Variants in TMEM259 observed in about 807,000 individuals in gnomAD.
TMEM259 encodes membralin.
In TMEM259, 26 loss-of-function variants were observed where a neutral mutation model predicts 46.7. The observed-to-expected ratio is 0.56, with a 90% confidence interval of 0.41 to 0.77. The LOEUF is 0.77. TMEM259 is among the 30% of genes least tolerant of loss of function. The pLI is 0.00. For missense variants in TMEM259, 930 were observed against 900.5 expected (o/e 1.03, Z -0.42); for synonymous variants, 494 against 395.1 (o/e 1.25, Z -2.97).
rs895821614 is a variant in TMEM259 at position 1,018,891 on chromosome 19, G to A, written c.225+1881C>T. 2.6e-5 allele frequency among the ~76,000 whole-genome samples: 4 copies of A among 151,908 alleles called. No individual in the cohort carries two copies. In the South Asian group the frequency reaches 8.3e-4, roughly 32 times the overall value. On this transcript the variant is annotated intron_variant, in intron 1 of 10. Transcript: ENST00000356663. ...TAATCCTAGCTACTCCGCAGGCTGA[G>A]GCAGAAGAATTGCTTGAACCCAGGA...
In TMEM259 at chr19:1,011,086, C is replaced by G; in HGVS notation, c.1317+10G>C. On this transcript the variant is annotated intron_variant, in intron 10 of 10. Coordinates refer to ENST00000356663, the MANE Select transcript of TMEM259 (RefSeq NM_001033026.2). ...GCTGGCCTGCCCCCTGCTTGCCGCC[C>G]AGGCCTCACCTGGATGAAGAGCCAG... is the stretch of plus-strand genomic sequence containing the variant. 1.3e-6 allele frequency: 2 copies of G among 1,578,070 alleles called. No individual in the cohort carries two copies. The highest frequency in any genetic ancestry group is 1.7e-6 in the Non-Finnish European group (2 of 1,162,626).
At chr19:1,016,851 G>C (rs886552835) in intron 1 of TMEM259, among the ~76,000 whole-genome samples, 7 of 152,124 alleles carry the variant, frequency 4.6e-5, no homozygotes, top group Admixed American at 4.6e-4. Context: ...TGAGTGACCC[G>C]TCCCATGAAG....
intron 1 of TMEM259, among the ~76,000 whole-genome samples, chr19:1,017,741 C>T (rs1227286444): frequency 2.0e-5 from 3 of 152,180 alleles, no homozygotes; most frequent in Admixed American, 6.5e-5. Context: ...GCAGCCTGCC[C>T]GCTCTCTGGG....
rs750149386 is a variant in TMEM259 at position 1,014,239 on chromosome 19, C to T, written c.460G>A (p.Glu154Lys). ...PGSNLDMEDE[E>K]EEELTMEMFG... Reference sequence around the variant, plus strand: ...ATCTCCATGGTCAGCTCTTCCTCCTCCTCATCTTCCATGTCCAGGTTGCTG... The same window carrying T: ...ATCTCCATGGTCAGCTCTTCCTCCTTCTCATCTTCCATGTCCAGGTTGCTG... Residue 154 changes from glutamate to lysine, a missense_variant, in exon 2 of 11, where the codon GAG becomes AAG. By Grantham distance (56) the Glu-to-Lys change is moderately conservative. Coordinates refer to ENST00000356663, the MANE Select transcript of TMEM259 (RefSeq NM_001033026.2). 2.5e-6 allele frequency: 4 copies of T among 1,612,608 alleles called. No individual in the cohort carries two copies. The East Asian group carries it at 6.7e-5, about 27-fold the overall frequency.
At chr19:1,013,435 A>G (rs746921227) in intron 2 of TMEM259, 95 bp from the exon 3 acceptor site, 209 of 1,303,368 alleles carry the variant, frequency 1.6e-4, no homozygotes, top group Non-Finnish European at 2.2e-4. Context: ...AAGGGACTGG[A>G]AGCCTCAGCC....
chr19:1,017,170 C>G (rs907877723), intron 1 of TMEM259: 49 of 399,068 alleles, frequency 1.2e-4, no homozygotes, highest in Non-Finnish European at 1.3e-5. Flanking sequence ...TCCCCAAGAC[C>G]TGTCTGTCAT....
In TMEM259 at chr19:1,020,463, G is replaced by A. The variant is rs531855516; in HGVS notation, c.225+309C>T. On this transcript the variant is annotated intron_variant, in intron 1 of 10. Transcript: ENST00000356663. This position sits in a 1 kb window ranked among gnomAD's most constrained non-coding sequence, Gnocchi z 4.0. Reference sequence around the variant, plus strand: ...CTGGGAAAGGCGGTCGCCGGGGACAGGATGGGCCCTGGAGGGAGCTGACAG... The same window carrying A: ...CTGGGAAAGGCGGTCGCCGGGGACAAGATGGGCCCTGGAGGGAGCTGACAG... Among the ~76,000 whole-genome samples, 6 of 145,740 alleles carry A rather than the reference G, an allele frequency of 4.1e-5. No homozygotes were observed. Among genetic ancestry groups the A allele is most frequent in the South Asian group, 4.3e-4 (2 of 4,640 alleles).
chr19:1,013,889 C>G (rs1046232432), intron 2 of TMEM259, among the ~76,000 whole-genome samples: 2 of 152,194 alleles, frequency 1.3e-5, no homozygotes, highest in Admixed American at 1.3e-4. Flanking sequence ...CACTGCATCC[C>G]CAGCCCCAGC....
intron 3 of TMEM259, among the ~76,000 whole-genome samples, 174 bp from the exon 4 acceptor site, chr19:1,012,747 G>A (rs1347738174): frequency 6.6e-6 from 1 of 152,200 alleles, no homozygotes; most frequent in Non-Finnish European, 1.5e-5. Context: ...ACTCAAGCTG[G>A]TGTCCTGCCC....
Position 1,010,523 on chromosome 19 carries a change from G to A in TMEM259, c.1690C>T (p.Arg564Trp), listed in dbSNP as rs185964545. ...GGGCCCAGCGGGCTGGCTGGACGCC[G>A]CTCCAGGAGGGAGGCGCTCAGGCCG... ...LSGLSASLLE[R>W]RPASPLGPAG... Residue 564 changes from arginine to tryptophan, a missense_variant, in exon 11 of 11, where the codon CGG (arginine) becomes TGG (tryptophan). Transcript: ENST00000356663. 9.7e-6 allele frequency: 15 copies of A among 1,547,632 alleles called. No individual in the cohort carries two copies. The East Asian group carries it at 2.7e-4, about 28-fold the overall frequency.
Position 1,021,019 on chromosome 19 carries a change from C to T in TMEM259, c.-23G>A, listed in dbSNP as rs1384431883. 2 of 1,356,086 alleles carry T rather than the reference C, an allele frequency of 1.5e-6. No homozygotes were observed. The highest frequency in any genetic ancestry group is 1.9e-6 in the Non-Finnish European group (2 of 1,042,980). The allele number at this position is 1,356,086 out of a possible 1,614,324, so 84.0% of individuals were successfully genotyped here. ...CATGCCTCCCAGCGTCGCGCCCTAA[C>T]GACCCGCAAGTGTCCGAGGGCGCCT... On this transcript the variant is annotated 5_prime_UTR_variant, in exon 1 of 11. Transcript: ENST00000356663.
In TMEM259 at chr19:1,010,866, G is replaced by A. The variant is rs1438100841; in HGVS notation, c.1347C>T (p.Tyr449=). The part of the protein sequence containing the change: ...QHSMIYFFHH[Y]ELPAILQQVR... Reference sequence around the variant, plus strand: ...CCTGCTGCAGGATGGCAGGCAGCTCGTAGTGGTGGAAGAAGTAGATCATGG... The same window carrying A: ...CCTGCTGCAGGATGGCAGGCAGCTCATAGTGGTGGAAGAAGTAGATCATGG... Residue 449 remains tyrosine, a synonymous_variant, in exon 11 of 11, where the codon TAC becomes TAT. Transcript: ENST00000356663. The A allele has an allele frequency of 1.3e-6, 2 of 1,550,280 alleles. No homozygotes were observed. Among genetic ancestry groups the A allele is most frequent in the Non-Finnish European group, 1.7e-6 (2 of 1,146,718 alleles).
At chr19:1,015,245 G>A (rs1166756765) in intron 1 of TMEM259, among the ~76,000 whole-genome samples, 1 of 152,238 alleles carries the variant, frequency 6.6e-6, no homozygotes, top group Non-Finnish European at 1.5e-5. Flanking sequence ...ATGAACTGGG[G>A]TGCCAGCAGC....
intron 1 of TMEM259, among the ~76,000 whole-genome samples, chr19:1,017,012 T>C (rs2145603837): frequency 6.6e-6 from 1 of 152,264 alleles, no homozygotes; most frequent in African/African-American, 2.4e-5. Context: ...AGGGCCCCTC[T>C]TCCCTGACTG....
In TMEM259 at chr19:1,011,765, G is replaced by A; in HGVS notation, c.976C>T (p.His326Tyr). 1 of 1,560,498 alleles carries A rather than the reference G, an allele frequency of 6.4e-7. No homozygotes were observed. Among genetic ancestry groups the A allele is most frequent in the Non-Finnish European group, 8.7e-7 (1 of 1,152,022 alleles). Residue 326 changes from histidine to tyrosine, a missense_variant, in exon 7 of 11, where the codon CAC (histidine) becomes TAC (tyrosine). His to Tyr is a moderately conservative substitution (Grantham distance 83). Coordinates refer to ENST00000356663, the MANE Select transcript of TMEM259 (RefSeq NM_001033026.2). ...LSVSMLLRYS[H>Y]HQIFVFIVDL... ...CCGATGAAGACGAAGATCTGGTGGT[G>A]TGAGTACCGCAGCAGCATGGACACG...
Position 1,020,957 on chromosome 19 carries a change from G to A in TMEM259, c.40C>T (p.Pro14Ser). The A allele has an allele frequency of 7.9e-7, 1 of 1,270,348 alleles. No homozygotes were observed. Among genetic ancestry groups the A allele is most frequent in the Non-Finnish European group, 9.9e-7 (1 of 1,006,716 alleles). The allele number at this position is 1,270,348 out of a possible 1,614,324, so 78.7% of individuals were successfully genotyped here. ...GCCGGGCCGCCGCCGCCGCCGTTGG[G>A]CCCGGGCCCCGGAGCTGCGGGCTCC... ...HVEPAAPGPG[P>S]NGGGGGPAPA... The change falls in exon 1 of 11, where the codon CCC becomes TCC. Residue 14 changes from proline to serine, a missense_variant. Pro to Ser is a moderately conservative substitution (Grantham distance 74). Transcript: ENST00000356663. The surrounding 1 kb of genome is among the most constrained non-coding windows in gnomAD (Gnocchi z 4.0).
At chr19:1,012,354 A>G in intron 4 of TMEM259, 109 bp downstream of exon 4, 2 of 1,499,066 alleles carry the variant, frequency 1.3e-6, no homozygotes, top group Non-Finnish European at 8.9e-7. Flanking sequence ...GGCGGGGCAG[A>G]CCCCAGTGCT....
rs1268586295 is a variant in TMEM259, at chr19:1,010,536, G to A, written c.1677C>T (p.Ala559=). 1.3e-6 allele frequency: 2 copies of A among 1,548,202 alleles called. No individual in the cohort carries two copies. The highest frequency in any genetic ancestry group is 4.9e-5 in the East Asian group (2 of 40,928). ...TDASFLSGLS[A]SLLERRPASP... is the part of the protein sequence containing the mutation. ...TGGCTGGACGCCGCTCCAGGAGGGA[G>A]GCGCTCAGGCCGGACAGGAAGGAGG... The change falls in exon 11 of 11, where the codon GCC becomes GCT. Residue 559 remains alanine, a synonymous_variant. Transcript: ENST00000356663.
chr19:1,011,999 CAGA>C lies in TMEM259; in HGVS notation c.842-10_842-8del. ...ACCACATTCCGCAGGAAGCCTGCAG[CAGA>C]AGGAGCCGTGAGCGCCCGCCCCCAC... On this transcript the variant is annotated splice_region_variant and splice_polypyrimidine_tract_variant and intron_variant, in intron 5 of 10. Coordinates refer to ENST00000356663, the MANE Select transcript of TMEM259 (RefSeq NM_001033026.2). 1.2e-6 allele frequency: 2 copies of C among 1,611,770 alleles called. No individual in the cohort carries two copies. Among genetic ancestry groups the C allele is most frequent in the Non-Finnish European group, 1.7e-6 (2 of 1,179,416 alleles).
Sources: allele counts gnomAD v4.1 joint callset (sites outside exome capture counted in the v4.1 genomes callset), GRCh38; gene constraint gnomAD v4.1.1; non-coding constraint Gnocchi (gnomAD v3.1); transcripts MANE v1.5; gene names NCBI Gene and HGNC (gene_info 2026-07-23, HGNC 2026-07-21).